The following PAPPA2 variants were observed in gnomAD, a reference collection of about 807,000 sequenced individuals.
PAPPA2 encodes pappalysin 2.
Under a neutral mutation model 176.4 loss-of-function variants are expected in PAPPA2, and 86 were observed. The observed-to-expected ratio is 0.49, with a 90% CI of 0.41 to 0.58. The LOEUF (loss-of-function observed/expected upper bound fraction) is 0.58, where lower values mean the gene tolerates loss of function less well. PAPPA2 is among the 20% of genes least tolerant of loss of function. PAPPA2 has a pLI of 0.00. For synonymous variants in PAPPA2, 809 were observed against 852.2 expected (o/e 0.95, Z 0.88); for missense variants, 2,073 against 2,256.9 (o/e 0.92, Z 1.65).
intron 1 of PAPPA2, among the ~76,000 whole-genome samples, chr1:176,502,989 A>T (rs1468814727): frequency 6.6e-6 from 1 of 152,208 alleles, no homozygotes; most frequent in African/African-American, 2.4e-5. Flanking sequence ...GCTGAAATAA[A>T]TTGCTGCAAA....
chr1:176,639,493 T>C (rs1233927661), intron 3 of PAPPA2, among the ~76,000 whole-genome samples: 1 of 152,120 alleles, frequency 6.6e-6, no homozygotes, highest in Non-Finnish European at 1.5e-5. Flanking sequence ...CAGAAATTAA[T>C]ACATTCTGCT....
intron 21 of PAPPA2, among the ~76,000 whole-genome samples, chr1:176,819,879 A>G (rs1265570205): frequency 2.6e-5 from 4 of 152,190 alleles, no homozygotes; most frequent in Non-Finnish European, 5.9e-5. Context: ...CTTTGAATCT[A>G]CTTGAGTGCA....
chr1:176,652,734 T>A (rs1657804056), intron 3 of PAPPA2, among the ~76,000 whole-genome samples: 1 of 151,730 alleles, frequency 6.6e-6, no homozygotes. Context: ...CAGTTAGTTC[T>A]CCTGCCAGGG....
At chr1:176,584,559 G>T (rs1653188052) in intron 2 of PAPPA2, among the ~76,000 whole-genome samples, 1 of 152,038 alleles carries the variant, frequency 6.6e-6, no homozygotes, top group South Asian at 2.1e-4. Flanking sequence ...GCAACATATA[G>T]TTGGATCTTT....
intron 12 of PAPPA2, among the ~76,000 whole-genome samples, chr1:176,732,284 T>C (rs1379809758): frequency 1.3e-5 from 2 of 152,300 alleles, no homozygotes; most frequent in African/African-American, 4.8e-5. Flanking sequence ...AACAAATTAG[T>C]AGGGATTTAG....
chr1:176,538,900 A>G (rs1318536491), intron 1 of PAPPA2, among the ~76,000 whole-genome samples: 2 of 152,198 alleles, frequency 1.3e-5, no homozygotes, highest in Non-Finnish European at 2.9e-5. Flanking sequence ...AGATTTAAAA[A>G]GTTTTGGTTA....
chr1:176,822,921 C>T (rs1446261903), intron 21 of PAPPA2, among the ~76,000 whole-genome samples: 3 of 152,178 alleles, frequency 2.0e-5, no homozygotes, highest in Non-Finnish European at 2.9e-5. Flanking sequence ...TCTCGCAGTA[C>T]CTTATCAAAT....
chr1:176,642,222 TTAATTTAAATAACAATAATTGCAAAGGA>T (rs1474181579), intron 3 of PAPPA2, among the ~76,000 whole-genome samples: 19 of 152,058 alleles, frequency 1.2e-4, no homozygotes, highest in Middle Eastern at 3.4e-3. Context: ...ATGACTTATT[TTAATTTAAATAACAATAATTGCAAAGGA>T]TAATTTAAAT....
At position 176,770,952 on chromosome 1, in the gene PAPPA2, C is replaced by T. The variant is rs1557860971; in HGVS notation, c.4502-15C>T. The T allele has an allele frequency of 1.2e-6, 2 of 1,612,260 alleles. No homozygotes were observed. Among genetic ancestry groups the T allele is most frequent in the Admixed American group, 1.7e-5 (1 of 60,020 alleles). On this transcript the variant is annotated splice_polypyrimidine_tract_variant and intron_variant, in intron 16 of 22. Transcript: ENST00000367662. Reference sequence around the variant, plus strand: ...TCTGTTCTGAGCATCTTGTGCTTCTCTTTCCTGGAGTCAGGACTGAGCCCA... The same window carrying T: ...TCTGTTCTGAGCATCTTGTGCTTCTTTTTCCTGGAGTCAGGACTGAGCCCA...
At chr1:176,646,593 T>G (rs1260168443) in intron 3 of PAPPA2, among the ~76,000 whole-genome samples, 4 of 150,858 alleles carry the variant, frequency 2.7e-5, no homozygotes, top group Non-Finnish European at 5.9e-5. Context: ...AATCATCATT[T>G]TACTCTCTGT....
At chr1:176,659,462 G>A (rs982309313) in intron 3 of PAPPA2, among the ~76,000 whole-genome samples, 1 of 151,934 alleles carries the variant, frequency 6.6e-6, no homozygotes, top group Admixed American at 6.6e-5. Flanking sequence ...TATTAGATTA[G>A]GGCCCACTCT....
chr1:176,608,021 C>G (rs991116774), intron 3 of PAPPA2, among the ~76,000 whole-genome samples: 1 of 152,036 alleles, frequency 6.6e-6, no homozygotes, highest in African/African-American at 2.4e-5. Context: ...GATATCTGAA[C>G]AAGATTGATG....
chr1:176,579,527 C>T (rs1652842276), intron 2 of PAPPA2, among the ~76,000 whole-genome samples: 1 of 152,148 alleles, frequency 6.6e-6, no homozygotes, highest in South Asian at 2.1e-4. Context: ...AAACTATTTC[C>T]TGGTGTGGAT....
chr1:176,828,239 G>A (rs1251526945), intron 21 of PAPPA2, among the ~76,000 whole-genome samples: 1 of 152,046 alleles, frequency 6.6e-6, no homozygotes, highest in African/African-American at 2.4e-5. Context: ...CTGTAAAATG[G>A]TCATAATAAT....
At chr1:176,656,829 A>G (rs1365119638) in intron 3 of PAPPA2, among the ~76,000 whole-genome samples, 2 of 151,786 alleles carry the variant, frequency 1.3e-5, no homozygotes, top group African/African-American at 4.8e-5. Context: ...TTGACAGCAT[A>G]CATGCACTAA....
At chr1:176,523,905 G>C (rs187024561) in intron 1 of PAPPA2, among the ~76,000 whole-genome samples, 75 of 152,288 alleles carry the variant, frequency 4.9e-4, no homozygotes, top group Middle Eastern at 3.4e-3. Context: ...CTTCCCTCCA[G>C]ATTCTCTGAA....
chr1:176,497,795 A>G (rs1015012896), intron 1 of PAPPA2, among the ~76,000 whole-genome samples: 1 of 152,154 alleles, frequency 6.6e-6, no homozygotes, highest in Non-Finnish European at 1.5e-5. Flanking sequence ...CTTGCCGTTC[A>G]TTATCATGCA....
rs569903352 is a variant in PAPPA2, at chr1:176,653,988, A to T, written c.1992-16982A>T. ...GTTTTTTTCTTCTGCCTATTTTTTTAAAAATTTACTATTCCTGTTCACTCT... is the reference window on the plus strand; with the variant it reads ...GTTTTTTTCTTCTGCCTATTTTTTTTAAAATTTACTATTCCTGTTCACTCT... On this transcript the variant is annotated intron_variant, in intron 3 of 22. Transcript: ENST00000367662. Among the ~76,000 whole-genome samples, 4 of 151,550 alleles carry T rather than the reference A, an allele frequency of 2.6e-5. No individual in the cohort carries two copies. In the East Asian group the frequency reaches 5.9e-4, roughly 22 times the overall value.
In PAPPA2 at chr1:176,671,262, A is replaced by G. The variant is rs1289783799; in HGVS notation, c.2137+147A>G. 3.7e-6 allele frequency: 4 copies of G among 1,068,300 alleles called. No individual in the cohort carries two copies. The African/African-American group carries it at 6.4e-5, about 17-fold the overall frequency. The allele number at this position is 1,068,300 out of a possible 1,614,324, so 66.2% of individuals were successfully genotyped here. The stretch of plus-strand genomic sequence containing the variant: ...CTGCTTTGTGCTGAGAATGGCACTT[A>G]GTAGAGCCTGTCAAAATGTTTCAAT... On this transcript the variant is annotated intron_variant, in intron 4 of 22. Coordinates refer to ENST00000367662, the MANE Select transcript of PAPPA2 (RefSeq NM_020318.3).
Sources: gnomAD v4.1 joint callset for allele counts (sites outside exome capture counted in the v4.1 genomes callset) on GRCh38, gnomAD v4.1.1 for gene constraint, MANE v1.5 for transcripts, NCBI Gene and HGNC (gene_info 2026-07-23, HGNC 2026-07-21) for gene names.